RASGEF1A: variants seen among roughly 807,000 people sequenced by gnomAD.
The protein encoded by RASGEF1A is RasGEF domain family member 1A.
A neutral mutation model predicts 56.4 loss-of-function variants in RASGEF1A; 18 were observed. The observed-to-expected ratio is 0.32, with a 90% CI of 0.22 to 0.47. The LOEUF is 0.47. Ranked by LOEUF, RASGEF1A falls within the 20% of genes least tolerant of loss-of-function variation. The pLI is 1.00. For synonymous variants in RASGEF1A, 245 were observed against 242.6 expected (o/e 1.01, Z -0.09); for missense variants, 422 against 627.1 (o/e 0.67, Z 3.49).
intron 1 of RASGEF1A, among the ~76,000 whole-genome samples, chr10:43,221,404 AGGG>A (rs1840205742): frequency 1.3e-5 from 2 of 152,166 alleles, no homozygotes; most frequent in Non-Finnish European, 2.9e-5. Context: ...ATGCCTCCCC[AGGG>A]TGGCCCTCCT....
intron 1 of RASGEF1A, among the ~76,000 whole-genome samples, chr10:43,253,803 G>A (rs539075593): frequency 6.6e-6 from 1 of 152,364 alleles, no homozygotes; most frequent in Non-Finnish European, 1.5e-5. Context: ...ACCCGACCCA[G>A]CCTCTGACCT....
At chr10:43,238,444 C>T (rs1840463535) in intron 1 of RASGEF1A, among the ~76,000 whole-genome samples, 1 of 152,232 alleles carries the variant, frequency 6.6e-6, no homozygotes, top group Non-Finnish European at 1.5e-5. Flanking sequence ...TCTACTACTA[C>T]CGTTTTTGAC....
intron 1 of RASGEF1A, among the ~76,000 whole-genome samples, chr10:43,259,762 G>A (rs1033407708): frequency 6.6e-6 from 1 of 152,186 alleles, no homozygotes; most frequent in Non-Finnish European, 1.5e-5. Flanking sequence ...GAGGAGGGGG[G>A]CGTCCTCACC....
rs547344779 is a variant in RASGEF1A at position 43,221,554 on chromosome 10, GAGA to G, written c.-6-15435_-6-15433del. 4.6e-5 allele frequency among the ~76,000 whole-genome samples: 7 copies of G among 152,374 alleles called. No individual in the cohort carries two copies. In the South Asian group the frequency reaches 1.2e-3, roughly 27 times the overall value. ...CCAGGGCAACCAGCACAGGGCTCCG[GAGA>G]AGGAGAATGGTGTGAGGTGACAGCA... On this transcript the variant is annotated intron_variant, in intron 1 of 12. Coordinates refer to ENST00000395810, the MANE Select transcript of RASGEF1A (RefSeq NM_145313.4).
At chr10:43,212,989 G>A (rs962809660) in intron 1 of RASGEF1A, among the ~76,000 whole-genome samples, 7 of 152,230 alleles carry the variant, frequency 4.6e-5, no homozygotes, top group African/African-American at 1.4e-4. Flanking sequence ...AGTGGAGCAA[G>A]CCAGGCACAG....
intron 1 of RASGEF1A, among the ~76,000 whole-genome samples, chr10:43,252,918 A>ACC (rs1159131332): frequency 6.6e-6 from 1 of 151,852 alleles, no homozygotes; most frequent in East Asian, 1.9e-4. Flanking sequence ...CATCGTCCGC[A>ACC]CCCCACTGGA....
intron 1 of RASGEF1A, among the ~76,000 whole-genome samples, chr10:43,235,792 G>A (rs1564539080): frequency 6.6e-6 from 1 of 152,174 alleles, no homozygotes; most frequent in Non-Finnish European, 1.5e-5. Flanking sequence ...GCATGGGATG[G>A]GGACACAGCA....
At chr10:43,254,840 C>T (rs1196456947) in intron 1 of RASGEF1A, among the ~76,000 whole-genome samples, 1 of 152,288 alleles carries the variant, frequency 6.6e-6, no homozygotes, top group African/African-American at 2.4e-5. Context: ...ACAAAGGAGA[C>T]AGTCCCTTTA....
At chr10:43,199,053 G>GGGGGGGC in intron 8 of RASGEF1A, 39 bp downstream of exon 8, 2 of 1,128,504 alleles carry the variant, frequency 1.8e-6, no homozygotes, top group Non-Finnish European at 2.7e-6. Flanking sequence ...GGGGGGGTGG[G>GGGGGGGC]CCATGCAGCA....
intron 1 of RASGEF1A, among the ~76,000 whole-genome samples, chr10:43,224,229 A>G (rs1015059957): frequency 6.6e-6 from 1 of 152,248 alleles, no homozygotes; most frequent in African/African-American, 2.4e-5. Flanking sequence ...TACACAATTC[A>G]TATTGAAAAG....
intron 1 of RASGEF1A, among the ~76,000 whole-genome samples, chr10:43,219,279 A>G (rs78064348): frequency 0.068 from 10,340 of 152,266 alleles, 959 homozygotes; most frequent in African/African-American, 0.21. Flanking sequence ...CCTCCCAGGG[A>G]CAGAGCTGGG....
chr10:43,262,916 G>A (rs913746631), intron 1 of RASGEF1A, among the ~76,000 whole-genome samples: 1 of 152,222 alleles, frequency 6.6e-6, no homozygotes, highest in Non-Finnish European at 1.5e-5. Flanking sequence ...CTAGAGTGGG[G>A]TGTGCTAGAC....
intron 1 of RASGEF1A, chr10:43,208,772 C>A: frequency 1.0e-6 from 1 of 985,618 alleles, no homozygotes; most frequent in Non-Finnish European, 1.2e-6. Flanking sequence ...TCAAACCTAG[C>A]AGGGCCCACC....
At chr10:43,265,579 C>T (rs1836609459) in intron 1 of RASGEF1A, among the ~76,000 whole-genome samples, 2 of 152,268 alleles carry the variant, frequency 1.3e-5, no homozygotes, top group Admixed American at 1.3e-4. Context: ...TCTCCCCTTC[C>T]TGGGCTGGGG....
chr10:43,203,633 C>G lies in RASGEF1A; in HGVS notation c.199-213G>C, dbSNP rs894435335. ...CTACCTAGGAGGCACGGCTCGAGCCCCGCCTCCCAGCAGCTCTCCCAGGCC... is the reference window on the plus strand; with the variant it reads ...CTACCTAGGAGGCACGGCTCGAGCCGCGCCTCCCAGCAGCTCTCCCAGGCC... On this transcript the variant is annotated intron_variant, in intron 2 of 12. Transcript: ENST00000395810. The G allele has an allele frequency of 8.3e-6, 10 of 1,206,600 alleles. No homozygotes were observed. The African/African-American group carries it at 1.6e-4, about 19-fold the overall frequency. 74.7% of individuals were successfully genotyped at this position (1,206,600 alleles called of 1,614,324 possible). A position where few individuals can be genotyped will look rare whatever the true frequency, so the allele number is the denominator to read the frequency against.
intron 1 of RASGEF1A, among the ~76,000 whole-genome samples, chr10:43,254,217 G>C (rs539351119): frequency 6.6e-6 from 1 of 152,234 alleles, no homozygotes; most frequent in Non-Finnish European, 1.5e-5. Flanking sequence ...GAGACAAACA[G>C]AGGGGGCCTT....
rs534085953 is a variant in RASGEF1A, at chr10:43,196,051, T to C, written c.*193A>G. The C allele has an allele frequency of 9.7e-6, 5 of 513,176 alleles. No individual in the cohort carries two copies. The highest frequency in any genetic ancestry group is 9.5e-5 in the African/African-American group (5 of 52,508). 31.8% of individuals were successfully genotyped at this position (513,176 alleles called of 1,614,324 possible). The stretch of plus-strand genomic sequence containing the variant: ...TCCCCAAAGCAGGGCCCTGCCCTGT[T>C]ATTTAAAATAAACAAAAAAAACTTT... On this transcript the variant is annotated 3_prime_UTR_variant, in exon 13 of 13. Coordinates refer to ENST00000395810, the MANE Select transcript of RASGEF1A (RefSeq NM_145313.4). This position sits in a 1 kb window ranked among gnomAD's most constrained non-coding sequence, Gnocchi z 4.6.
At chr10:43,206,160 G>C in intron 1 of RASGEF1A, 38 bp from the exon 2 acceptor site, 2 of 1,498,978 alleles carry the variant, frequency 1.3e-6, no homozygotes, top group Non-Finnish European at 1.8e-6. Context: ...CATCAAAGGC[G>C]CCTCCACAGC....
At chr10:43,223,462 C>T (rs1036280366) in intron 1 of RASGEF1A, among the ~76,000 whole-genome samples, 1 of 152,246 alleles carries the variant, frequency 6.6e-6, no homozygotes, top group South Asian at 2.1e-4. Context: ...AACTCTGTAT[C>T]GAATTTGATA....
Sources: allele counts gnomAD v4.1 joint callset (sites outside exome capture counted in the v4.1 genomes callset), GRCh38; gene constraint gnomAD v4.1.1; non-coding constraint Gnocchi (gnomAD v3.1); transcripts MANE v1.5; gene names NCBI Gene and HGNC (gene_info 2026-07-23, HGNC 2026-07-21).